TCF7: variants seen among roughly 807,000 people sequenced by gnomAD.
TCF7 encodes T-cell-factor-7.
A neutral mutation model predicts 46.8 loss-of-function variants in TCF7; 19 were observed. The observed-to-expected ratio is 0.41, with a 90% CI of 0.28 to 0.60. The LOEUF is 0.60. Ranked by LOEUF, TCF7 falls within the 20% of genes least tolerant of loss-of-function variation. The pLI is 0.35. For missense variants in TCF7, 547 were observed against 504.6 expected (o/e 1.08, Z -0.81); for synonymous variants, 245 against 213.4 (o/e 1.15, Z -1.29).
intron 3 of TCF7, among the ~76,000 whole-genome samples, chr5:134,122,428 T>C (rs1756727122): frequency 6.6e-6 from 1 of 152,058 alleles, no homozygotes; most frequent in African/African-American, 2.4e-5. Context: ...CACACGGGAA[T>C]ATTCATACCA....
In TCF7 at chr5:134,115,332, G is replaced by C. The variant is rs140392908; in HGVS notation, c.261G>C (p.Arg87=). Residue 87 remains arginine (R), a synonymous_variant, in exon 2 of 10, where the codon CGG becomes CGC. Transcript: ENST00000342854. ...GGTTCTCCCTCCAGGCTCTCGGGCGGGAACACGCTGCGCAGAGACTCTTCC... is the reference window on the plus strand; with the variant it reads ...GGTTCTCCCTCCAGGCTCTCGGGCGCGAACACGCTGCGCAGAGACTCTTCC... ...GARGEAEALG[R]EHAAQRLFPD... 3 of 1,592,336 alleles carry C rather than the reference G, an allele frequency of 1.9e-6. No homozygotes were observed. The highest frequency in any genetic ancestry group is 2.3e-5 in the South Asian group (2 of 87,648).
At position 134,146,626 on chromosome 5, in the gene TCF7, G is replaced by A. The variant is rs1760750760; in HGVS notation, c.*323G>A. 3.0e-6 allele frequency: 2 copies of A among 672,216 alleles called. No homozygotes were observed. Among genetic ancestry groups the A allele is most frequent in the Non-Finnish European group, 5.4e-6 (2 of 373,574 alleles). The allele number at this position is 672,216 out of a possible 1,614,324, so 41.6% of individuals were successfully genotyped here. A position where few individuals can be genotyped will look rare whatever the true frequency, so the allele number is the denominator to read the frequency against. On this transcript the variant is annotated 3_prime_UTR_variant, in exon 10 of 10. Coordinates refer to ENST00000342854, the MANE Select transcript of TCF7 (RefSeq NM_003202.5). ...GGGGTCCTGTTAACGTCATCTCAGGGTCCAGACCCTGAAGATTTCAGAGGC... is the reference window on the plus strand; with the variant it reads ...GGGGTCCTGTTAACGTCATCTCAGGATCCAGACCCTGAAGATTTCAGAGGC...
chr5:134,142,328 A>G (rs755535390), intron 6 of TCF7, 24 bp downstream of exon 6: 11 of 1,560,598 alleles, frequency 7.0e-6, no homozygotes, highest in Non-Finnish European at 9.6e-6. Flanking sequence ...CAATGATGGC[A>G]GGGGGTGTGT....
chr5:134,145,396 G>A lies in TCF7; in HGVS notation c.1076-828G>A, dbSNP rs1224507548. 2.0e-5 allele frequency: 11 copies of A among 560,624 alleles called. No individual in the cohort carries two copies. The East Asian group carries it at 5.1e-4, about 26-fold the overall frequency. 34.7% of individuals were successfully genotyped at this position (560,624 alleles called of 1,614,324 possible). ...CTGATACCAAAGGGCTGGAGAGGCT[G>A]GGGGAGAGGACCCAGGGGGTACCCT... On this transcript the variant is annotated intron_variant, in intron 9 of 9. Coordinates refer to ENST00000342854, the MANE Select transcript of TCF7 (RefSeq NM_003202.5).
chr5:134,115,481 T>C, intron 2 of TCF7, 94 bp downstream of exon 2: 2 of 1,507,192 alleles, frequency 1.3e-6, no homozygotes, highest in Non-Finnish European at 1.8e-6. Context: ...GCCGGGTGCC[T>C]CCCCCACCGC....
intron 3 of TCF7, among the ~76,000 whole-genome samples, chr5:134,119,671 G>A (rs1049593716): frequency 6.6e-6 from 1 of 152,196 alleles, no homozygotes; most frequent in African/African-American, 2.4e-5. Context: ...GTGGACTCAT[G>A]TTGGGGCTCC....
chr5:134,139,123 C>A, intron 5 of TCF7, 85 bp downstream of exon 5: 1 of 1,538,346 alleles, frequency 6.5e-7, no homozygotes, highest in Non-Finnish European at 8.8e-7. Flanking sequence ...CTCCATCCCT[C>A]TTGGCTGGCC....
intron 3 of TCF7, among the ~76,000 whole-genome samples, chr5:134,117,632 G>A (rs891992669): frequency 1.1e-4 from 16 of 152,218 alleles, no homozygotes; most frequent in African/African-American, 3.9e-4. Context: ...TCTGCTGTCA[G>A]GGTATGGGTG....
At chr5:134,128,263 T>C (rs1757619503) in intron 3 of TCF7, among the ~76,000 whole-genome samples, 1 of 152,216 alleles carries the variant, frequency 6.6e-6, no homozygotes, top group Non-Finnish European at 1.5e-5. Context: ...GAGAGTTGTC[T>C]GGGGCAGTTT....
chr5:134,114,941 G>C lies in TCF7; in HGVS notation c.35G>C (p.Gly12Ala). The C allele has an allele frequency of 9.0e-7, 1 of 1,110,536 alleles. No individual in the cohort carries two copies. The highest frequency in any genetic ancestry group is 1.1e-6 in the Non-Finnish European group (1 of 897,212). The allele number at this position is 1,110,536 out of a possible 1,614,324, so 68.8% of individuals were successfully genotyped here. A position where few individuals can be genotyped will look rare whatever the true frequency, so the allele number is the denominator to read the frequency against. ...PQLDSGGGGA[G>A]GGDDLGAPDE... is the part of the protein sequence containing the mutation. ...CTGGACTCCGGCGGGGGCGGCGCGGGCGGCGGCGACGACCTCGGCGCGCCG... is the reference window on the plus strand; with the variant it reads ...CTGGACTCCGGCGGGGGCGGCGCGGCCGGCGGCGACGACCTCGGCGCGCCG... Residue 12 changes from glycine (G) to alanine (A), a missense_variant, in exon 1 of 10, where the codon GGC becomes GCC. Physicochemically the swap from Gly to Ala is moderately conservative, Grantham distance 60. Around this residue, in one of 3 missense-constraint regions of TCF7, gnomAD observed 425 missense variants for 349.9 expected, o/e 1.21. Coordinates refer to ENST00000342854, the MANE Select transcript of TCF7 (RefSeq NM_003202.5).
chr5:134,115,604 G>A (rs938697998), intron 2 of TCF7: 42 of 1,431,324 alleles, frequency 2.9e-5, no homozygotes, highest in African/African-American at 5.8e-5. Context: ...ACAGACCCCC[G>A]CCATCCCCGC....
At chr5:134,146,184 T>C in intron 9 of TCF7, 40 bp from the exon 10 acceptor site, 1 of 1,614,040 alleles carries the variant, frequency 6.2e-7, no homozygotes, top group African/African-American at 1.3e-5. Context: ...GACTATGAAT[T>C]CACCCTCTGT....
rs1186610284 is a variant in TCF7 at position 134,114,877 on chromosome 5, C to T, written c.-30C>T. On this transcript the variant is annotated 5_prime_UTR_variant, in exon 1 of 10. Coordinates refer to ENST00000342854, the MANE Select transcript of TCF7 (RefSeq NM_003202.5). ...CGCGCCCCGCACTCCCGGCGCCCAG[C>T]GCCCCGCGCCCCGGCGGGCGGAGCG... The T allele has an allele frequency of 2.0e-6, 2 of 986,218 alleles. No homozygotes were observed. The highest frequency in any genetic ancestry group is 4.6e-5 in the South Asian group (1 of 21,778). The allele number at this position is 986,218 out of a possible 1,614,324, so 61.1% of individuals were successfully genotyped here. A position where few individuals can be genotyped will look rare whatever the true frequency, so the allele number is the denominator to read the frequency against.
At chr5:134,112,398 C>G (rs1157893677), upstream of TCF7, among the ~76,000 whole-genome samples, 1 of 152,206 alleles carries the variant, frequency 6.6e-6, no homozygotes, top group Non-Finnish European at 1.5e-5. Flanking sequence ...AGTAGATGAT[C>G]CCTTAGCAAG....
At chr5:134,123,778 C>A (rs752190236) in intron 3 of TCF7, 1 of 456,132 alleles carries the variant, frequency 2.2e-6, no homozygotes, top group African/African-American at 2.0e-5. Context: ...CGGTACCCAC[C>A]CACAGATGGT....
intron 2 of TCF7, 67 bp downstream of exon 2, chr5:134,115,454 G>C: frequency 2.0e-6 from 3 of 1,533,722 alleles, no homozygotes; most frequent in Non-Finnish European, 2.6e-6. Flanking sequence ...GGACGGGGAC[G>C]CCAAGGACCG....
intron 2 of TCF7, 117 bp downstream of exon 2, chr5:134,115,504 G>T (rs1283757085): frequency 8.8e-6 from 13 of 1,484,388 alleles, no homozygotes; most frequent in Non-Finnish European, 9.9e-6. Context: ...CTCAGGAGGC[G>T]GCAGAACCCA....
At chr5:134,126,603 A>G (rs923980042) in intron 3 of TCF7, among the ~76,000 whole-genome samples, 7 of 152,270 alleles carry the variant, frequency 4.6e-5, no homozygotes, top group South Asian at 2.1e-4. Flanking sequence ...ACTCATATCA[A>G]GATTGTACAA....
chr5:134,138,959 C>T lies in TCF7; in HGVS notation c.556C>T (p.Pro186Ser), dbSNP rs780028603. ...GCTTCTCTCCTCTGCAGTTCACAGG[C>T]CTCTGCAGACCCCTGACCTCTCTGG... ...ADISQKQVHR[P>S]LQTPDLSGFY... The change falls in exon 5 of 10, where the codon CCT (proline) becomes TCT (serine). Residue 186 changes from proline (P) to serine (S), a missense_variant. Pro to Ser is a moderately conservative substitution (Grantham distance 74). Around this residue, in one of 3 missense-constraint regions of TCF7, gnomAD observed 425 missense variants for 349.9 expected, o/e 1.21. Transcript: ENST00000342854. 2 of 1,613,828 alleles carry T rather than the reference C, an allele frequency of 1.2e-6. No homozygotes were observed. The highest frequency in any genetic ancestry group is 2.7e-5 in the African/African-American group (2 of 74,914).
Sources: allele counts gnomAD v4.1 joint callset (sites outside exome capture counted in the v4.1 genomes callset), GRCh38; gene constraint gnomAD v4.1.1; regional missense constraint gnomAD v4.1.1; transcripts MANE v1.5; gene names NCBI Gene and HGNC (gene_info 2026-07-23, HGNC 2026-07-21).